PLEKHG4B: variants seen among roughly 807,000 people sequenced by gnomAD.
PLEKHG4B encodes pleckstrin homology domain-containing family G member 4B.
A neutral mutation model predicts 121.3 loss-of-function variants in PLEKHG4B; 111 were observed. That is an observed-to-expected ratio of 0.92 (90% confidence interval 0.78 to 1.07). The LOEUF is 1.07. Among genes scored for constraint, PLEKHG4B ranks in the 50% least tolerant of loss-of-function variants. The probability of loss-of-function intolerance (pLI) is 0.00; values close to 1 mark genes in which losing one functional copy is unlikely to be tolerated. For synonymous variants in PLEKHG4B, 738 were observed against 725.0 expected (o/e 1.02, Z -0.29); for missense variants, 1,831 against 1,757.8 (o/e 1.04, Z -0.74).
At chr5:154,835 G>A (rs761786696) in intron 7 of PLEKHG4B, 40 bp from the exon 8 acceptor site, 2 of 1,468,270 alleles carry the variant, frequency 1.4e-6, no homozygotes, top group Non-Finnish European at 1.9e-6. Context: ...CCCAAGAGAT[G>A]CATCTGGAGC....
rs1735829976 is a variant in PLEKHG4B at position 157,530 on chromosome 5, A to G, written c.2487+619A>G. On this transcript the variant is annotated intron_variant, in intron 11 of 19. Transcript: ENST00000637938. This position sits in a 1 kb window ranked among gnomAD's most constrained non-coding sequence, Gnocchi z 4.6. ...CACAGTGTGTGGCGTGGCTGGGGTTATTGATGGCCCTTGGTGGACACACTG... is the reference window on the plus strand; with the variant it reads ...CACAGTGTGTGGCGTGGCTGGGGTTGTTGATGGCCCTTGGTGGACACACTG... Among the ~76,000 whole-genome samples the G allele has an allele frequency of 6.6e-6, 1 of 152,058 alleles. No individual in the cohort carries two copies. Among genetic ancestry groups the G allele is most frequent in the South Asian group, 2.1e-4 (1 of 4,822 alleles).
At chr5:128,635 A>G (rs1192578788) in intron 2 of PLEKHG4B, among the ~76,000 whole-genome samples, 1 of 152,224 alleles carries the variant, frequency 6.6e-6, no homozygotes, top group Non-Finnish European at 1.5e-5. Flanking sequence ...ACAATCAACC[A>G]CAATTTGCCC....
Position 164,477 on chromosome 5 carries a change from C to A in PLEKHG4B, c.3476+929C>A, listed in dbSNP as rs570509987. On this transcript the variant is annotated intron_variant, in intron 13 of 19. Coordinates refer to ENST00000637938, the MANE Select transcript of PLEKHG4B (RefSeq NM_052909.5). ...GGCTCACAGTAATGTTGTGACGGAG[C>A]AGAGCTCACACTAATGCTCTGACAG... Among the ~76,000 whole-genome samples, 3 of 126,630 alleles carry A rather than the reference C, an allele frequency of 2.4e-5. No homozygotes were observed. In the South Asian group the frequency reaches 6.7e-4, roughly 28 times the overall value. 83.1% of individuals were successfully genotyped at this position (126,630 alleles called of 152,430 possible). A position where few individuals can be genotyped will look rare whatever the true frequency, so the allele number is the denominator to read the frequency against.
chr5:175,307 C>T (rs1736723511), intron 18 of PLEKHG4B, among the ~76,000 whole-genome samples: 1 of 151,798 alleles, frequency 6.6e-6, no homozygotes, highest in Admixed American at 6.6e-5. Flanking sequence ...AATGTCCACC[C>T]TCGTTTGCTC....
At chr5:158,808 C>A (rs559925654) in intron 11 of PLEKHG4B, among the ~76,000 whole-genome samples, 7 of 151,998 alleles carry the variant, frequency 4.6e-5, no homozygotes, top group African/African-American at 1.5e-4. Flanking sequence ...TCTCCCTCCC[C>A]ACTCTGCCCC....
intron 1 of PLEKHG4B, among the ~76,000 whole-genome samples, chr5:109,621 C>T (rs1281250284): frequency 1.3e-5 from 2 of 152,154 alleles, no homozygotes; most frequent in Non-Finnish European, 2.9e-5. Flanking sequence ...CCAGGGAGTG[C>T]AGATAGGGTG....
At chr5:166,733 G>A (rs1401034011) in intron 13 of PLEKHG4B, among the ~76,000 whole-genome samples, 2 of 152,180 alleles carry the variant, frequency 1.3e-5, no homozygotes, top group Non-Finnish European at 2.9e-5. Context: ...TCCATAGAAG[G>A]GGTTTCCTCC....
At chr5:135,483 G>A (rs1405159591) in intron 2 of PLEKHG4B, among the ~76,000 whole-genome samples, 1 of 149,242 alleles carries the variant, frequency 6.7e-6, no homozygotes, top group Non-Finnish European at 1.5e-5. Flanking sequence ...GGCTAACACA[G>A]TGAAACCCTG....
intron 2 of PLEKHG4B, among the ~76,000 whole-genome samples, chr5:114,211 T>C (rs1734239078): frequency 6.6e-6 from 1 of 152,220 alleles, no homozygotes; most frequent in Non-Finnish European, 1.5e-5. Context: ...CTGGGGTGGC[T>C]GTGGCAGCTT....
chr5:156,223 A>C lies in PLEKHG4B; in HGVS notation c.2348+13A>C. On this transcript the variant is annotated intron_variant, in intron 10 of 19. Transcript: ENST00000637938. The surrounding 1 kb of genome is among the most constrained non-coding windows in gnomAD (Gnocchi z 4.4). ...CAGAAGACAGCCGGTGAGCGCTCAC[A>C]GGGGTCATGCTGGGCCCTGGCCCAT... The C allele has an allele frequency of 6.7e-7, 1 of 1,487,852 alleles. No homozygotes were observed. 92.2% of individuals were successfully genotyped at this position (1,487,852 alleles called of 1,614,324 possible). A position where few individuals can be genotyped will look rare whatever the true frequency, so the allele number is the denominator to read the frequency against.
At position 173,077 on chromosome 5, in the gene PLEKHG4B, G is replaced by T. The variant is rs73732942; in HGVS notation, c.4221+10G>T. ...CAAGCAGTCCTTCAAGGTAGCACCC[G>T]CCCGGTCCGATTGGGTGCAGGCCGA... On this transcript the variant is annotated intron_variant, in intron 17 of 19. Transcript: ENST00000637938. 1.1e-5 allele frequency: 18 copies of T among 1,612,978 alleles called. No homozygotes were observed. The highest frequency in any genetic ancestry group is 2.2e-5 in the East Asian group (1 of 44,848).
chr5:92,458 C>T (rs1579221899), intron 1 of PLEKHG4B, among the ~76,000 whole-genome samples, 182 bp downstream of exon 1: 2 of 66,204 alleles, frequency 3.0e-5, no homozygotes, highest in African/African-American at 6.2e-5. Context: ...CGGGTGGGGG[C>T]GCCGGGGTAG....
chr5:143,255 A>G lies in PLEKHG4B; in HGVS notation c.1686A>G (p.Pro562=), dbSNP rs757346841. 1.2e-6 allele frequency: 2 copies of G among 1,609,844 alleles called. No individual in the cohort carries two copies. Among genetic ancestry groups the G allele is most frequent in the African/African-American group, 2.7e-5 (2 of 74,938 alleles). Residue 562 remains proline, a splice_region_variant and synonymous_variant, in exon 4 of 20, where the codon CCA becomes CCG. Coordinates refer to ENST00000637938, the MANE Select transcript of PLEKHG4B (RefSeq NM_052909.5). ...ELLQSGVVTL[P]GTRDRHGRAV... is the part of the protein sequence containing the mutation. Reference sequence around the variant, plus strand: ...TGCAGTCCGGGGTCGTCACCCTCCCAGGTGAGAGCACATGCCAGGCTCTCC... The same window carrying G: ...TGCAGTCCGGGGTCGTCACCCTCCCGGGTGAGAGCACATGCCAGGCTCTCC...
intron 13 of PLEKHG4B, among the ~76,000 whole-genome samples, chr5:164,564 CAG>C (rs138006660): frequency 0.22 from 12,631 of 58,728 alleles, 2,083 homozygotes; most frequent in South Asian, 0.28. Context: ...AATGCTCTGA[CAG>C]GGGGCGGAGC....
In PLEKHG4B at chr5:163,214, G is replaced by T. The variant is rs201732461; in HGVS notation, c.3142G>T (p.Ala1048Ser). 3.1e-6 allele frequency: 5 copies of T among 1,597,088 alleles called. No individual in the cohort carries two copies. The highest frequency in any genetic ancestry group is 4.3e-6 in the Non-Finnish European group (5 of 1,172,328). Reference protein sequence around the residue: ...SLLRGLPGAGATTAHLEDSSA... With the variant: ...SLLRGLPGAGSTTAHLEDSSA... Reference sequence around the variant, plus strand: ...CCTCAGGGGCCTTCCAGGGGCAGGGGCCACCACGGCCCACCTGGAGGACAG... The same window carrying T: ...CCTCAGGGGCCTTCCAGGGGCAGGGTCCACCACGGCCCACCTGGAGGACAG... The change falls in exon 13 of 20, where the codon GCC (alanine) becomes TCC (serine). Residue 1048 changes from alanine (A) to serine (S), a missense_variant. Coordinates refer to ENST00000637938, the MANE Select transcript of PLEKHG4B (RefSeq NM_052909.5).
At position 167,912 on chromosome 5, in the gene PLEKHG4B, T is replaced by TA. The variant is rs1424981801; in HGVS notation, c.3477-1422dup. ...TGTTTTTTAGTGGTAATAAAAAAAT[T>TA]AAAAAATACCACCTGATTTGGGAAG... On this transcript the variant is annotated intron_variant, in intron 13 of 19. Transcript: ENST00000637938. 5.3e-5 allele frequency among the ~76,000 whole-genome samples: 8 copies of TA among 151,426 alleles called. No individual in the cohort carries two copies. In the East Asian group the frequency reaches 7.7e-4, roughly 15 times the overall value.
rs1735349218 is a variant in PLEKHG4B, at chr5:144,817, C to T, written c.1812-10C>T. 1 of 1,611,066 alleles carries T rather than the reference C, an allele frequency of 6.2e-7. No individual in the cohort carries two copies. The highest frequency in any genetic ancestry group is 8.5e-7 in the Non-Finnish European group (1 of 1,178,268). On this transcript the variant is annotated splice_polypyrimidine_tract_variant and intron_variant, in intron 5 of 19. Coordinates refer to ENST00000637938, the MANE Select transcript of PLEKHG4B (RefSeq NM_052909.5). Reference sequence around the variant, plus strand: ...TCAGTGGTTAAGATGGGCTGTCTTTCCCTCCCCAGGAAAGAGGTCCGGGAC... The same window carrying T: ...TCAGTGGTTAAGATGGGCTGTCTTTTCCTCCCCAGGAAAGAGGTCCGGGAC...
intron 2 of PLEKHG4B, among the ~76,000 whole-genome samples, chr5:136,351 A>T (rs1172756567): frequency 6.6e-6 from 1 of 152,222 alleles, no homozygotes; most frequent in Non-Finnish European, 1.5e-5. Context: ...ACTATTGCAT[A>T]AAAAGGGCCT....
chr5:96,728 C>T (rs960897476), intron 1 of PLEKHG4B, among the ~76,000 whole-genome samples: 1 of 152,034 alleles, frequency 6.6e-6, no homozygotes, highest in Admixed American at 6.6e-5. Context: ...ACCACTCATG[C>T]CTCCAAGACA....
Sources: gnomAD v4.1 joint callset for allele counts (sites outside exome capture counted in the v4.1 genomes callset) on GRCh38, gnomAD v4.1.1 for gene constraint, Gnocchi (gnomAD v3.1) non-coding constraint, MANE v1.5 for transcripts, NCBI Gene and HGNC (gene_info 2026-07-23, HGNC 2026-07-21) for gene names.